The following TNFSF9 variants were observed in gnomAD, a reference collection of about 807,000 sequenced individuals.
TNFSF9 encodes the protein tumor necrosis factor ligand superfamily member 9.
In TNFSF9, 10 loss-of-function variants were observed where a neutral mutation model predicts 10.3. That is an observed-to-expected ratio of 0.97 (90% CI 0.60 to 1.65). The LOEUF is 1.65. Among genes scored for constraint, TNFSF9 ranks in the 40% most tolerant of loss-of-function variants. TNFSF9 has a pLI of 0.00. For synonymous variants in TNFSF9, 195 were observed against 176.1 expected, an observed-to-expected ratio of 1.11 and a Z score of -0.85; for missense variants, 361 against 348.9, an observed-to-expected ratio of 1.03 and a Z score of -0.28.
intron 2 of TNFSF9, 59 bp from the exon 3 acceptor site, chr19:6,534,541 C>A: frequency 6.8e-7 from 1 of 1,474,280 alleles, no homozygotes; most frequent in South Asian, 1.3e-5. Context: ...GGTGCTCAGC[C>A]ACGCTCAGCT....
rs557106491 is a variant in TNFSF9 at position 6,534,952 on chromosome 19, C to A, written c.651C>A (p.His217Gln). Residue 217 changes from histidine to glutamine, a missense_variant, in exon 3 of 3, where the codon CAC becomes CAA. By Grantham distance (24) the His-to-Gln change is conservative. Coordinates refer to ENST00000245817, the MANE Select transcript of TNFSF9 (RefSeq NM_003811.4). Reference sequence around the variant, plus strand: ...GCCAGCGCCTGGGCGTCCATCTTCACACTGAGGCCAGGGCACGCCATGCCT... The same window carrying A: ...GCCAGCGCCTGGGCGTCCATCTTCAAACTGAGGCCAGGGCACGCCATGCCT... ...SAGQRLGVHLHTEARARHAWQ... is the reference protein window; with the variant it reads ...SAGQRLGVHLQTEARARHAWQ... 12 of 1,611,636 alleles carry A rather than the reference C, an allele frequency of 7.4e-6. No individual in the cohort carries two copies. The Admixed American group carries it at 1.7e-4, about 22-fold the overall frequency.
At position 6,534,627 on chromosome 19, in the gene TNFSF9, G is replaced by A; in HGVS notation, c.326G>A (p.Trp109Ter). 6.3e-7 allele frequency: 1 copy of A among 1,581,052 alleles called. No individual in the cohort carries two copies. The highest frequency in any genetic ancestry group is 8.6e-7 in the Non-Finnish European group (1 of 1,164,040). ...CTGCTGATCGATGGGCCCCTGAGCT[G>A]GTACAGTGACCCAGGCCTGGCAGGC... is the stretch of plus-strand genomic sequence containing the variant. ...NVLLIDGPLS[W>*]YSDPGLAGVS... is the part of the protein sequence containing the mutation. Residue 109 changes from tryptophan to a stop codon, truncating the protein, a stop_gained, in exon 3 of 3, where the codon TGG (tryptophan) becomes TAG (stop). Coordinates refer to ENST00000245817, the MANE Select transcript of TNFSF9 (RefSeq NM_003811.4). LOFTEE classifies it low-confidence loss of function (END_TRUNC).
intron 1 of TNFSF9, among the ~76,000 whole-genome samples, chr19:6,532,187 G>T (rs895058606): frequency 1.3e-5 from 2 of 152,174 alleles, no homozygotes; most frequent in African/African-American, 4.8e-5. Flanking sequence ...ACCCCCAAGG[G>T]GGCTGGAAAG....
In TNFSF9 at chr19:6,534,813, G is replaced by T; in HGVS notation, c.512G>T (p.Arg171Leu). 1.2e-6 allele frequency: 2 copies of T among 1,603,308 alleles called. No homozygotes were observed. The highest frequency in any genetic ancestry group is 2.2e-5 in the East Asian group (1 of 44,504). Residue 171 changes from arginine (R) to leucine (L), a missense_variant, in exon 3 of 3, where the codon CGC (arginine) becomes CTC (leucine). By Grantham distance (102) the Arg-to-Leu change is moderately radical. Transcript: ENST00000245817. The stretch of plus-strand genomic sequence containing the variant: ...CTTGCGCTGCACCTGCAGCCACTGC[G>T]CTCTGCTGCTGGGGCCGCCGCCCTG... The part of the protein sequence containing the change: ...VSLALHLQPL[R>L]SAAGAAALAL...
rs1325235764 is a variant in TNFSF9, at chr19:6,531,199, G to A, written c.163G>A (p.Val55Met). 2 of 1,558,780 alleles carry A rather than the reference G, an allele frequency of 1.3e-6. No homozygotes were observed. Among genetic ancestry groups the A allele is most frequent in the Admixed American group, 1.9e-5 (1 of 52,294 alleles). ...CGTCTTCCTCGCCTGCCCCTGGGCC[G>A]TGTCCGGGGCTCGCGCCTCGCCCGG... is the stretch of plus-strand genomic sequence containing the variant. ...CAVFLACPWA[V>M]SGARASPGSA... The change falls in exon 1 of 3, where the codon GTG (valine) becomes ATG (methionine). Residue 55 changes from valine (V) to methionine (M), a missense_variant. Physicochemically the swap from Val to Met is conservative, Grantham distance 21 (BLOSUM62 1). Transcript: ENST00000245817.
In TNFSF9 at chr19:6,535,063, A is replaced by T. The variant is rs1292833010; in HGVS notation, c.762A>T (p.Glu254Asp). Residue 254 changes from glutamate to aspartate, a missense_variant, in exon 3 of 3, where the codon GAA becomes GAT. Coordinates refer to ENST00000245817, the MANE Select transcript of TNFSF9 (RefSeq NM_003811.4). ...CCGGACTCCCTTCACCGAGGTCGGAATAACGTCCAGCCTGGGTGCAGCCCA... is the reference window on the plus strand; with the variant it reads ...CCGGACTCCCTTCACCGAGGTCGGATTAACGTCCAGCCTGGGTGCAGCCCA... The part of the protein sequence containing the change: ...IPAGLPSPRS[E>D] 4 of 1,554,970 alleles carry T rather than the reference A, an allele frequency of 2.6e-6. No homozygotes were observed. Among genetic ancestry groups the T allele is most frequent in the Non-Finnish European group, 3.5e-6 (4 of 1,148,748 alleles).
chr19:6,534,833 G>A lies in TNFSF9; in HGVS notation c.532G>A (p.Ala178Thr), dbSNP rs766150013. The change falls in exon 3 of 3, where the codon GCC becomes ACC. Residue 178 changes from alanine (A) to threonine (T), a missense_variant. Transcript: ENST00000245817. ...QPLRSAAGAA[A>T]LALTVDLPPA... is the part of the protein sequence containing the mutation. ...ACTGCGCTCTGCTGCTGGGGCCGCCGCCCTGGCTTTGACCGTGGACCTGCC... is the reference window on the plus strand; with the variant it reads ...ACTGCGCTCTGCTGCTGGGGCCGCCACCCTGGCTTTGACCGTGGACCTGCC... 20 of 1,605,516 alleles carry A rather than the reference G, an allele frequency of 1.2e-5. No individual in the cohort carries two copies. Among genetic ancestry groups the A allele is most frequent in the Admixed American group, 6.7e-5 (4 of 59,424 alleles).
rs775299991 is a variant in TNFSF9 at position 6,531,029 on chromosome 19, C to T, written c.-8C>T. 23 of 1,607,912 alleles carry T rather than the reference C, an allele frequency of 1.4e-5. No individual in the cohort carries two copies. The highest frequency in any genetic ancestry group is 2.0e-5 in the Non-Finnish European group (23 of 1,177,660). ...GCGGCGCGCTGTGTCTTCCCGCAGT[C>T]TCTCGTCATGGAATACGCCTCTGAC... On this transcript the variant is annotated 5_prime_UTR_variant, in exon 1 of 3. Transcript: ENST00000245817.
rs1232287792 is a variant in TNFSF9, at chr19:6,534,601, TCTG to T, written c.304_306del (p.Leu102del). On this transcript the variant is annotated inframe_deletion and splice_region_variant, in exon 3 of 3. Coordinates refer to ENST00000245817, the MANE Select transcript of TNFSF9 (RefSeq NM_003811.4). ...TAAGTGCATGCTTTCCTCCCACAGT[TCTG>T]CTGATCGATGGGCCCCTGAGCTGGT... is the stretch of plus-strand genomic sequence containing the variant. 6.4e-7 allele frequency: 1 copy of T among 1,565,984 alleles called. No individual in the cohort carries two copies. The highest frequency in any genetic ancestry group is 2.4e-5 in the East Asian group (1 of 42,046).
rs1249986453 is a variant in TNFSF9 at position 6,531,170 on chromosome 19, G to A, written c.134G>A (p.Cys45Tyr). Reference protein sequence around the residue: ...LLLLLLLAAACAVFLACPWAV... With the variant: ...LLLLLLLAAAYAVFLACPWAV... ...CTGCTGCTGCTGCTCGCTGCCGCCT[G>A]CGCCGTCTTCCTCGCCTGCCCCTGG... Residue 45 changes from cysteine (C) to tyrosine (Y), a missense_variant, in exon 1 of 3, where the codon TGC becomes TAC. Coordinates refer to ENST00000245817, the MANE Select transcript of TNFSF9 (RefSeq NM_003811.4). The A allele has an allele frequency of 1.9e-6, 3 of 1,593,752 alleles. No individual in the cohort carries two copies. Among genetic ancestry groups the A allele is most frequent in the Non-Finnish European group, 2.6e-6 (3 of 1,170,566 alleles).
rs1400947101 is a variant in TNFSF9 at position 6,535,408 on chromosome 19, G to C, written c.*342G>C. The C allele has an allele frequency of 6.7e-6, 1 of 150,358 alleles. No homozygotes were observed. Among genetic ancestry groups the C allele is most frequent in the Non-Finnish European group, 1.5e-5 (1 of 67,700 alleles). The allele number at this position is 150,358 out of a possible 1,614,324, so 9.3% of individuals were successfully genotyped here. On this transcript the variant is annotated 3_prime_UTR_variant, in exon 3 of 3. Transcript: ENST00000245817. ...TTGCCGAGGCTGGTCTTGAACTCCT[G>C]GACTTAGACGATCCTCCTGCCTCAG...
At chr19:6,532,955 A>G in intron 2 of TNFSF9, 139 bp downstream of exon 2, 1 of 1,242,978 alleles carries the variant, frequency 8.0e-7, no homozygotes, top group East Asian at 2.4e-5. Flanking sequence ...GAAAGCTGCT[A>G]CTTCCCCTCT....
intron 2 of TNFSF9, 86 bp from the exon 3 acceptor site, chr19:6,534,514 G>T: frequency 7.5e-7 from 1 of 1,340,170 alleles, no homozygotes. Context: ...TTCTCCCAGG[G>T]CTGCGCTGAC....
At chr19:6,532,215 C>T (rs1915160252) in intron 1 of TNFSF9, among the ~76,000 whole-genome samples, 1 of 151,944 alleles carries the variant, frequency 6.6e-6, no homozygotes. Flanking sequence ...ATCGCTTTTC[C>T]CTCCTGAATT....
rs1378949176 is a variant in TNFSF9 at position 6,535,004 on chromosome 19, T to C, written c.703T>C (p.Leu235=). The change falls in exon 3 of 3, where the codon TTG becomes CTG. Residue 235 remains leucine (L), a synonymous_variant. Coordinates refer to ENST00000245817, the MANE Select transcript of TNFSF9 (RefSeq NM_003811.4). ...AWQLTQGATV[L]GLFRVTPEIP... is the part of the protein sequence containing the mutation. Reference sequence around the variant, plus strand: ...GCAGCTTACCCAGGGCGCCACAGTCTTGGGACTCTTCCGGGTGACCCCCGA... The same window carrying C: ...GCAGCTTACCCAGGGCGCCACAGTCCTGGGACTCTTCCGGGTGACCCCCGA... The C allele has an allele frequency of 1.2e-6, 2 of 1,603,760 alleles. No individual in the cohort carries two copies. The highest frequency in any genetic ancestry group is 1.1e-5 in the South Asian group (1 of 90,442).
At chr19:6,532,437 T>TTGTG (rs4028331) in intron 1 of TNFSF9, among the ~76,000 whole-genome samples, 134,283 of 148,844 alleles carry the variant, frequency 0.9, 60,693 homozygotes, top group African/African-American at 0.94. Flanking sequence ...GTGTGGGTGT[T>TTGTG]TGTGTTCATG....
Position 6,531,207 on chromosome 19 carries a change from G to T in TNFSF9, c.171G>T (p.Gly57=). The change falls in exon 1 of 3, where the codon GGG becomes GGT. Residue 57 remains glycine, a synonymous_variant. Coordinates refer to ENST00000245817, the MANE Select transcript of TNFSF9 (RefSeq NM_003811.4). ...VFLACPWAVS[G]ARASPGSAAS... ...TCGCCTGCCCCTGGGCCGTGTCCGG[G>T]GCTCGCGCCTCGCCCGGCTCCGCGG... 1 of 1,545,214 alleles carries T rather than the reference G, an allele frequency of 6.5e-7. No homozygotes were observed.
chr19:6,531,541 G>A (rs1240904710), intron 1 of TNFSF9, among the ~76,000 whole-genome samples: 2 of 151,180 alleles, frequency 1.3e-5, no homozygotes, highest in Non-Finnish European at 3.0e-5. Context: ...GGAGGAGACC[G>A]CCCAACAGTT....
Position 6,531,294 on chromosome 19 carries a change from C to T in TNFSF9, c.258C>T (p.Asp86=). Residue 86 remains aspartate (D), a synonymous_variant, in exon 1 of 3, where the codon GAC becomes GAT. Transcript: ENST00000245817. ...CCGACGATCCCGCCGGCCTCTTGGA[C>T]CTGCGGCAGGTGAGACGTGCCCCGA... ...LSPDDPAGLL[D]LRQGMFAQLV... The T allele has an allele frequency of 2.7e-6, 4 of 1,496,550 alleles. No individual in the cohort carries two copies. The highest frequency in any genetic ancestry group is 3.5e-6 in the Non-Finnish European group (4 of 1,130,718). 92.7% of individuals were successfully genotyped at this position (1,496,550 alleles called of 1,614,324 possible). A position where few individuals can be genotyped will look rare whatever the true frequency, so the allele number is the denominator to read the frequency against.
Sources: allele counts gnomAD v4.1 joint callset (sites outside exome capture counted in the v4.1 genomes callset), GRCh38; gene constraint gnomAD v4.1.1; transcripts MANE v1.5; gene names NCBI Gene and HGNC (gene_info 2026-07-23, HGNC 2026-07-21).